The following KIAA1217 variants were observed in gnomAD, a reference collection of about 807,000 sequenced individuals.
The protein encoded by KIAA1217 is sickle tail protein homolog.
In KIAA1217, 88 loss-of-function variants were observed where a neutral mutation model predicts 163.9. That is an observed-to-expected ratio of 0.54 (90% CI 0.45 to 0.64). The LOEUF (loss-of-function observed/expected upper bound fraction) is 0.64, where lower values mean the gene tolerates loss of function less well. KIAA1217 is among the 30% of genes least tolerant of loss of function. KIAA1217 has a pLI of 0.00. For missense variants in KIAA1217, 2,372 were observed against 2,475.0 expected, an observed-to-expected ratio of 0.96 and a Z score of 0.88; for synonymous variants, 903 against 923.1, an observed-to-expected ratio of 0.98 and a Z score of 0.39.
chr10:23,850,933 G>C (rs1325362233), intron 1 of KIAA1217, among the ~76,000 whole-genome samples: 1 of 152,012 alleles, frequency 6.6e-6, no homozygotes, highest in Non-Finnish European at 1.5e-5. Flanking sequence ...CACTATCAAT[G>C]AGAACAGCAA....
chr10:23,715,599 A>C (rs1837520569), intron 1 of KIAA1217, among the ~76,000 whole-genome samples: 1 of 152,174 alleles, frequency 6.6e-6, no homozygotes. Context: ...CTCACCATGT[A>C]AAGTTTCAAA....
intron 1 of KIAA1217, among the ~76,000 whole-genome samples, chr10:23,817,400 A>G (rs939655434): frequency 1.3e-5 from 2 of 152,178 alleles, no homozygotes; most frequent in East Asian, 3.9e-4. Context: ...ATTGTTTGAC[A>G]TTGTTATTTG....
intron 1 of KIAA1217, among the ~76,000 whole-genome samples, chr10:23,740,063 G>C (rs555437220): frequency 1.9e-3 from 236 of 121,574 alleles, no homozygotes; most frequent in African/African-American, 9.4e-3. Context: ...TTAAATTTGA[G>C]ATGCCTATGT....
At chr10:24,388,210 C>T (rs374651884) in intron 3 of KIAA1217, among the ~76,000 whole-genome samples, 15 of 152,060 alleles carry the variant, frequency 9.9e-5, no homozygotes, top group Non-Finnish European at 1.9e-4. Flanking sequence ...AACAGAGATA[C>T]AGACCAATGG....
intron 2 of KIAA1217, among the ~76,000 whole-genome samples, chr10:24,011,030 G>A (rs879677696): frequency 6.6e-6 from 1 of 152,130 alleles, no homozygotes; most frequent in African/African-American, 2.4e-5. Flanking sequence ...ATAAACTTCA[G>A]TCTGCAGTTG....
intron 8 of KIAA1217, 91 bp from the exon 9 acceptor site, chr10:24,501,288 T>A: frequency 8.2e-7 from 1 of 1,217,590 alleles, no homozygotes; most frequent in Non-Finnish European, 1.1e-6. Context: ...TAGGCCTTTT[T>A]AGAATTACCA....
intron 16 of KIAA1217, among the ~76,000 whole-genome samples, chr10:24,533,668 G>T (rs1304943350): frequency 1.3e-5 from 2 of 152,156 alleles, no homozygotes; most frequent in Non-Finnish European, 2.9e-5. Context: ...ATGGACTCAA[G>T]GCCAATGACT....
Position 23,875,819 on chromosome 10 carries a change from A to G in KIAA1217, c.-320-131406A>G, listed in dbSNP as rs566595461. Among the ~76,000 whole-genome samples, 10 of 152,044 alleles carry G rather than the reference A, an allele frequency of 6.6e-5. No homozygotes were observed. In the South Asian group the frequency reaches 1.0e-3, roughly 16 times the overall value. On this transcript the variant is annotated intron_variant, in intron 1 of 18. Coordinates refer to the KIAA1217 transcript ENST00000376462. ...CTGCAGGGACATGGATGGAGCTGGG[A>G]ACCATCATTCTAAGCAAACTATCAC... is the stretch of plus-strand genomic sequence containing the variant.
At chr10:24,328,577 A>C (rs1298067168) in intron 2 of KIAA1217, among the ~76,000 whole-genome samples, 1 of 152,060 alleles carries the variant, frequency 6.6e-6, no homozygotes, top group Non-Finnish European at 1.5e-5. Context: ...CTTTATTAAC[A>C]GAGTTGATGA....
intron 1 of KIAA1217, among the ~76,000 whole-genome samples, chr10:23,781,926 A>G (rs370255430): frequency 1.3e-5 from 2 of 152,106 alleles, no homozygotes; most frequent in African/African-American, 2.4e-5. Flanking sequence ...CCATTGGTCT[A>G]TGTGTCTGTT....
intron 9 of KIAA1217, 57 bp downstream of exon 9, chr10:24,501,602 C>G: frequency 2.6e-6 from 4 of 1,534,328 alleles, no homozygotes; most frequent in Non-Finnish European, 3.5e-6. Flanking sequence ...TCCTACCTTC[C>G]TTTTCCTAGG....
In KIAA1217 at chr10:24,211,532, G is replaced by GTTGTATTGTA. The variant is rs371671093; in HGVS notation, c.70+2322_70+2331dup. On this transcript the variant is annotated intron_variant, in intron 1 of 20. Coordinates refer to ENST00000376454, the MANE Select transcript of KIAA1217 (RefSeq NM_019590.5). ...CTACTGGGACATGCCACCATGCATG[G>GTTGTATTGTA]TTGTATTGTATTGTATTGTATTGTA... Among the ~76,000 whole-genome samples the GTTGTATTGTA allele has an allele frequency of 6.4e-3, 507 of 79,034 alleles. 4 individuals carry two copies. The highest frequency in any genetic ancestry group is 0.021 in the Middle Eastern group (3 of 140). 51.8% of individuals were successfully genotyped at this position (79,034 alleles called of 152,430 possible).
chr10:24,509,644 C>T (rs1482123988), intron 9 of KIAA1217, among the ~76,000 whole-genome samples: 1 of 152,182 alleles, frequency 6.6e-6, no homozygotes, highest in Non-Finnish European at 1.5e-5. Context: ...AAATCCATAA[C>T]TTTTGGCTCC....
intron 2 of KIAA1217, among the ~76,000 whole-genome samples, chr10:24,067,197 C>A (rs2131617646): frequency 6.6e-6 from 1 of 152,288 alleles, no homozygotes; most frequent in South Asian, 2.1e-4. Flanking sequence ...GAGCTGCGTT[C>A]CTTTGGAGGA....
chr10:24,125,429 T>C (rs1408058243), intron 2 of KIAA1217, among the ~76,000 whole-genome samples: 1 of 152,008 alleles, frequency 6.6e-6, no homozygotes, highest in African/African-American at 2.4e-5. Flanking sequence ...GTATTGCTTC[T>C]CATGTAATTG....
intron 4 of KIAA1217, among the ~76,000 whole-genome samples, chr10:24,437,386 G>T (rs903085689): frequency 6.6e-6 from 1 of 152,210 alleles, no homozygotes; most frequent in Non-Finnish European, 1.5e-5. Context: ...GAGAAGACTA[G>T]TCCAAGAATC....
intron 2 of KIAA1217, among the ~76,000 whole-genome samples, chr10:24,098,724 CGTGTGT>C (rs10524680): frequency 2.0e-4 from 28 of 139,354 alleles, no homozygotes; most frequent in African/African-American, 4.9e-4. Flanking sequence ...TGAAGGGGAG[CGTGTGT>C]GTGTGTGTGT....
intron 2 of KIAA1217, among the ~76,000 whole-genome samples, chr10:24,115,206 A>G (rs1337430210): frequency 6.6e-6 from 1 of 152,268 alleles, no homozygotes; most frequent in Non-Finnish European, 1.5e-5. Context: ...AACTCAGCAC[A>G]GCACCTGCGT....
chr10:24,074,273 C>T (rs1396805229), intron 2 of KIAA1217, among the ~76,000 whole-genome samples: 2 of 152,050 alleles, frequency 1.3e-5, no homozygotes, highest in African/African-American at 2.4e-5. Flanking sequence ...TGCTTGAACC[C>T]GGGAGGTGAA....
Sources: gnomAD v4.1 joint callset for allele counts (sites outside exome capture counted in the v4.1 genomes callset) on GRCh38, gnomAD v4.1.1 for gene constraint, MANE v1.5 for transcripts, NCBI Gene and HGNC (gene_info 2026-07-23, HGNC 2026-07-21) for gene names.